Variants in ZNF33B observed in about 807,000 individuals in gnomAD.
The protein encoded by ZNF33B is zinc finger protein 11b (KOX 2).
ZNF33B carries 29 observed loss-of-function variants against 45.8 expected under a neutral mutation model. That is an observed-to-expected ratio of 0.63 (90% CI 0.47 to 0.86). The LOEUF (loss-of-function observed/expected upper bound fraction) is 0.86. Among genes scored for constraint, ZNF33B ranks in the 40% least tolerant of loss-of-function variants. The probability of loss-of-function intolerance (pLI) is 0.00; values close to 1 mark genes in which losing one functional copy is unlikely to be tolerated. For missense variants in ZNF33B, 831 were observed against 909.9 expected (o/e 0.91, Z 1.12); for synonymous variants, 305 against 307.8 (o/e 0.99, Z 0.10).
At chr10:42,601,930 T>TTGG in intron 4 of ZNF33B, among the ~76,000 whole-genome samples, 1 of 76,668 alleles carries the variant, frequency 1.3e-5, no homozygotes, top group Non-Finnish European at 2.7e-5. Context: ...TTTTTTTTTT[T>TTGG]GGGGGGAGAC....
chr10:42,629,459 G>A (rs1466006413), intron 4 of ZNF33B, among the ~76,000 whole-genome samples: 1 of 152,084 alleles, frequency 6.6e-6, no homozygotes, highest in Admixed American at 6.5e-5. Flanking sequence ...TAACTGGATT[G>A]TTTATAACAC....
chr10:42,605,528 T>C (rs1837805444), intron 4 of ZNF33B, among the ~76,000 whole-genome samples: 1 of 151,872 alleles, frequency 6.6e-6, no homozygotes, highest in Non-Finnish European at 1.5e-5. Context: ...AATCCTCAAA[T>C]TAAAAAACAA....
At chr10:42,613,547 CA>C (rs200867099) in intron 4 of ZNF33B, among the ~76,000 whole-genome samples, 1,176 of 110,378 alleles carry the variant, frequency 0.011, 6 homozygotes, top group African/African-American at 0.028. Context: ...GACTCTCTCT[CA>C]AAAAAAAAAA....
At chr10:42,616,379 C>T (rs1361370737) in intron 4 of ZNF33B, among the ~76,000 whole-genome samples, 1 of 151,964 alleles carries the variant, frequency 6.6e-6, no homozygotes, top group Non-Finnish European at 1.5e-5. Context: ...TCTTATATAC[C>T]TGTTTTGTGG....
chr10:42,611,458 A>T (rs1838093248), intron 4 of ZNF33B, among the ~76,000 whole-genome samples: 2 of 152,192 alleles, frequency 1.3e-5, no homozygotes, highest in African/African-American at 4.8e-5. Context: ...ACAAAAACTA[A>T]CTGAAAATGG....
Position 42,592,832 on chromosome 10 carries a change from T to C in ZNF33B, c.2118A>G (p.Ser706=), listed in dbSNP as rs1205513631. Reference sequence around the variant, plus strand: ...GAGCCCTGTGATGTACTGTGAGTGATGATTTGTGACTGAAGGATTTCCCAC... The same window carrying C: ...GAGCCCTGTGATGTACTGTGAGTGACGATTTGTGACTGAAGGATTTCCCAC... The part of the protein sequence containing the change: ...NECGKSFSHK[S]SLTVHHRAHT... Residue 706 remains serine, a synonymous_variant, in exon 5 of 5, where the codon TCA becomes TCG. Transcript: ENST00000359467. The C allele has an allele frequency of 1.2e-6, 2 of 1,614,148 alleles. No individual in the cohort carries two copies. The highest frequency in any genetic ancestry group is 1.7e-6 in the Non-Finnish European group (2 of 1,180,002).
exon 2 of ZNF33B, chr10:42,574,332 C>T (rs1836716065): frequency 6.6e-6 from 1 of 152,032 alleles, no homozygotes; most frequent in African/African-American, 2.4e-5. Flanking sequence ...TATCTGCTCC[C>T]TGGGAGGATG....
intron 4 of ZNF33B, among the ~76,000 whole-genome samples, chr10:42,622,972 G>C (rs1366940089): frequency 6.6e-6 from 1 of 152,094 alleles, no homozygotes. Flanking sequence ...AGCAACAAAA[G>C]AAAGAGTAGG....
chr10:42,590,522 C>G lies in ZNF33B; in HGVS notation c.*2091G>C, dbSNP rs184836992. The stretch of plus-strand genomic sequence containing the variant: ...GCCTCAGCCTCCTGAGTAGCTTGGA[C>G]TATACACGCATGCCACCACGCCCGG... On this transcript the variant is annotated 3_prime_UTR_variant, in exon 5 of 5. Coordinates refer to ENST00000359467, the MANE Select transcript of ZNF33B (RefSeq NM_006955.3). 1.3e-5 allele frequency: 2 copies of G among 152,264 alleles called. No individual in the cohort carries two copies. Among genetic ancestry groups the G allele is most frequent in the Middle Eastern group, 3.4e-3 (1 of 298 alleles). The allele number at this position is 152,264 out of a possible 1,614,324, so 9.4% of individuals were successfully genotyped here.
chr10:42,617,700 C>G (rs2132116174), intron 4 of ZNF33B, among the ~76,000 whole-genome samples: 1 of 152,302 alleles, frequency 6.6e-6, no homozygotes, highest in South Asian at 2.1e-4. Context: ...CTACAGCCAT[C>G]TCCCACCCTC....
In ZNF33B at chr10:42,632,439, C is replaced by T. The variant is rs750811391; in HGVS notation, c.10G>A (p.Val4Ile). 13 of 1,612,894 alleles carry T rather than the reference C, an allele frequency of 8.1e-6. No homozygotes were observed. The South Asian group carries it at 1.4e-4, about 18-fold the overall frequency. The part of the protein sequence containing the change: MNK[V>I]DQKFQGSVSF... ...ACTGACCCCTGGAACTTCTGATCTA[C>T]CTGAAATGTTCAGAATTAGGTGGCA... The change falls in exon 3 of 5, where the codon GTA becomes ATA. Residue 4 changes from valine to isoleucine, a missense_variant and splice_region_variant. Physicochemically the swap from Val to Ile is conservative, Grantham distance 29. Coordinates refer to ENST00000359467, the MANE Select transcript of ZNF33B (RefSeq NM_006955.3).
intron 4 of ZNF33B, among the ~76,000 whole-genome samples, chr10:42,620,246 GA>G (rs1166119372): frequency 7.1e-6 from 1 of 141,012 alleles, no homozygotes; most frequent in Non-Finnish European, 1.5e-5. Flanking sequence ...GAAACACAAA[GA>G]AGGCAGTAAT....
rs1376049633 is a variant in ZNF33B, at chr10:42,594,235, T to C, written c.715A>G (p.Arg239Gly). ...LEKAVFNTRK[R>G]ENAEENNCDY... ...CAGTTATTCTCTTCTGCATTCTCTC[T>C]CTTCCGTGTATTGAATACTGCCTTT... is the stretch of plus-strand genomic sequence containing the variant. Residue 239 changes from arginine to glycine, a missense_variant, in exon 5 of 5, where the codon AGA (arginine) becomes GGA (glycine). By Grantham distance (125) the Arg-to-Gly change is moderately radical. Coordinates refer to ENST00000359467, the MANE Select transcript of ZNF33B (RefSeq NM_006955.3). The C allele has an allele frequency of 6.2e-7, 1 of 1,613,668 alleles. No homozygotes were observed. Among genetic ancestry groups the C allele is most frequent in the Non-Finnish European group, 8.5e-7 (1 of 1,179,938 alleles).
chr10:42,608,880 GGA>G (rs780473992), intron 4 of ZNF33B, among the ~76,000 whole-genome samples: 2,509 of 112,138 alleles, frequency 0.022, 78 homozygotes, highest in African/African-American at 0.1. Flanking sequence ...GACTGACAAT[GGA>G]AAAAAAAAAA....
exon 2 of ZNF33B, chr10:42,574,246 C>T (rs554123919): frequency 6.6e-6 from 1 of 151,428 alleles, no homozygotes. Flanking sequence ...CCTACCACCA[C>T]CTACAGCCTC....
chr10:42,593,492 CTGTG>C lies in ZNF33B; in HGVS notation c.1454_1457del (p.Thr485SerfsTer7). On this transcript the variant is annotated frameshift_variant, in exon 5 of 5. Transcript: ENST00000359467. LOFTEE classifies it high-confidence loss of function. ...TATCTCCTATGTGAGTTCTCTGATG[CTGTG>C]TAAGATGTGACTTTTGACAAAAGGA... 6.2e-7 allele frequency: 1 copy of C among 1,613,876 alleles called. No individual in the cohort carries two copies.
At chr10:42,632,262 G>A in intron 3 of ZNF33B, 33 bp downstream of exon 3, 3 of 1,580,490 alleles carry the variant, frequency 1.9e-6, no homozygotes, top group South Asian at 2.3e-5. Context: ...ATAAACGAAT[G>A]CTATTTAGAA....
rs572407941 is a variant in ZNF33B at position 42,618,988 on chromosome 10, T to C, written c.250+12941A>G. Among the ~76,000 whole-genome samples the C allele has an allele frequency of 8.0e-4, 122 of 152,220 alleles. 5 individuals carry two copies. In the South Asian group the frequency reaches 0.024, roughly 30 times the overall value. ...GCCTATTGATAGTCCTGTGCATGGG[T>C]CACATTTTTCCTGTTTCTTTGCATA... On this transcript the variant is annotated intron_variant, in intron 4 of 4. Transcript: ENST00000359467.
chr10:42,592,053 T>C lies in ZNF33B; in HGVS notation c.*560A>G, dbSNP rs982628675. ...TGGACTTGACCATATACTATGATTA[T>C]ATATTATCCTTAGAGGAAGCTTGGT... On this transcript the variant is annotated 3_prime_UTR_variant, in exon 5 of 5. Coordinates refer to ENST00000359467, the MANE Select transcript of ZNF33B (RefSeq NM_006955.3). 1 of 153,376 alleles carries C rather than the reference T, an allele frequency of 6.5e-6. No individual in the cohort carries two copies. Among genetic ancestry groups the C allele is most frequent in the Non-Finnish European group, 1.5e-5 (1 of 68,958 alleles). 9.5% of individuals were successfully genotyped at this position (153,376 alleles called of 1,614,324 possible).
Sources: allele counts gnomAD v4.1 joint callset (sites outside exome capture counted in the v4.1 genomes callset), GRCh38; gene constraint gnomAD v4.1.1; transcripts MANE v1.5; gene names NCBI Gene and HGNC (gene_info 2026-07-23, HGNC 2026-07-21).